The following LYN variants were observed in gnomAD, a reference collection of about 807,000 sequenced individuals.
The protein encoded by LYN is LYN proto-oncogene, Src family tyrosine kinase, also known as tyrosine-protein kinase Lyn.
In LYN, 12 loss-of-function variants were observed where a neutral mutation model predicts 65.0. That is an observed-to-expected ratio of 0.18 (90% CI 0.12 to 0.30). LYN has a LOEUF of 0.30. Among genes scored for constraint, LYN ranks in the 10% least tolerant of loss-of-function variants. LYN has a pLI of 1.00. For synonymous variants in LYN, 222 were observed against 221.2 expected, an observed-to-expected ratio of 1.00 and a Z score of -0.03; for missense variants, 380 against 623.2, an observed-to-expected ratio of 0.61 and a Z score of 4.16.
At chr8:55,928,214 C>T (rs1806165619) in intron 1 of LYN, among the ~76,000 whole-genome samples, 2 of 152,176 alleles carry the variant, frequency 1.3e-5, no homozygotes, top group Admixed American at 1.3e-4. Flanking sequence ...GGTGCAATCT[C>T]AGCTCACTGC....
At position 55,923,834 on chromosome 8, in the gene LYN, C is replaced by T. The variant is rs147609093; in HGVS notation, c.-5-18021C>T. 1.6e-4 allele frequency among the ~76,000 whole-genome samples: 24 copies of T among 151,884 alleles called. 1 individual carries two copies. The East Asian group carries it at 2.1e-3, about 13-fold the overall frequency. On this transcript the variant is annotated intron_variant, in intron 1 of 12. Coordinates refer to ENST00000519728, the MANE Select transcript of LYN (RefSeq NM_002350.4). ...GATTAGAGGCGTGAGCCACCGCGCCCGGCCAAGATCAAACAACTTAATAAA... is the reference window on the plus strand; with the variant it reads ...GATTAGAGGCGTGAGCCACCGCGCCTGGCCAAGATCAAACAACTTAATAAA...
In LYN at chr8:55,987,859, C is replaced by T. The variant is rs147925463; in HGVS notation, c.1051-10487C>T. 3.9e-5 allele frequency among the ~76,000 whole-genome samples: 6 copies of T among 152,284 alleles called. No homozygotes were observed. The East Asian group carries it at 5.8e-4, about 15-fold the overall frequency. On this transcript the variant is annotated intron_variant, in intron 10 of 12. Coordinates refer to ENST00000519728, the MANE Select transcript of LYN (RefSeq NM_002350.4). ...CCTCTCCAAGACTCAGCTTCGTCCT[C>T]GTTACTATGAATATAACCTACTTTA... is the stretch of plus-strand genomic sequence containing the variant.
chr8:55,927,147 T>C (rs1806130877), intron 1 of LYN, among the ~76,000 whole-genome samples: 1 of 152,250 alleles, frequency 6.6e-6, no homozygotes, highest in Non-Finnish European at 1.5e-5. Flanking sequence ...GTGTAGTACA[T>C]TTCATGGATT....
chr8:55,944,745 T>C (rs1389058866), intron 2 of LYN, among the ~76,000 whole-genome samples: 6 of 152,176 alleles, frequency 3.9e-5, no homozygotes, highest in Non-Finnish European at 1.5e-5. Flanking sequence ...CCTCTCAAAG[T>C]GTTGGGAATA....
chr8:55,899,145 C>T (rs145891957), intron 1 of LYN, among the ~76,000 whole-genome samples: 291 of 152,254 alleles, frequency 1.9e-3, no homozygotes, highest in African/African-American at 6.5e-3. Flanking sequence ...ACTTTTGTAT[C>T]AGGCAATAAT....
intron 12 of LYN, among the ~76,000 whole-genome samples, chr8:56,003,303 C>T (rs1808581549): frequency 6.6e-6 from 1 of 152,080 alleles, no homozygotes; most frequent in South Asian, 2.1e-4. Flanking sequence ...CCTTGGGATC[C>T]TCCCGCCTTG....
intron 6 of LYN, 55 bp downstream of exon 6, chr8:55,950,839 A>G: frequency 7.7e-7 from 1 of 1,291,800 alleles, no homozygotes; most frequent in Non-Finnish European, 1.1e-6. Flanking sequence ...TTATTTTTAG[A>G]AACTATTCTA....
chr8:55,913,516 A>G (rs1387559391), intron 1 of LYN, among the ~76,000 whole-genome samples: 1 of 152,232 alleles, frequency 6.6e-6, no homozygotes, highest in Non-Finnish European at 1.5e-5. Context: ...GCTGAATTTC[A>G]ACTACATTAA....
At chr8:55,953,412 C>T (rs564692779) in intron 7 of LYN, among the ~76,000 whole-genome samples, 3 of 152,136 alleles carry the variant, frequency 2.0e-5, no homozygotes, top group Non-Finnish European at 2.9e-5. Context: ...TTTGGGAGGC[C>T]GAGGCGGGTG....
intron 3 of LYN, among the ~76,000 whole-genome samples, chr8:55,947,067 G>A (rs898549646): frequency 6.6e-6 from 1 of 152,304 alleles, no homozygotes; most frequent in East Asian, 1.9e-4. Context: ...GGTCAACATG[G>A]TGAAACCCCG....
chr8:55,981,005 G>A (rs1807902315), intron 10 of LYN, among the ~76,000 whole-genome samples: 3 of 152,142 alleles, frequency 2.0e-5, no homozygotes, highest in African/African-American at 7.2e-5. Context: ...CAGACTGGAT[G>A]GTTTTGCATC....
intron 1 of LYN, among the ~76,000 whole-genome samples, chr8:55,927,939 G>A (rs1269539459): frequency 1.3e-5 from 2 of 152,210 alleles, no homozygotes; most frequent in African/African-American, 4.8e-5. Context: ...AAGGGGCACA[G>A]TTGTTGGGTC....
At chr8:56,000,699 G>A (rs1287859727) in intron 12 of LYN, among the ~76,000 whole-genome samples, 1 of 117,026 alleles carries the variant, frequency 8.5e-6, no homozygotes, top group Admixed American at 1.2e-4. Flanking sequence ...CTGCACTCTA[G>A]CCATGGCGAC....
At chr8:56,003,199 A>G (rs1808574809) in intron 12 of LYN, among the ~76,000 whole-genome samples, 1 of 151,536 alleles carries the variant, frequency 6.6e-6, no homozygotes, top group Admixed American at 6.6e-5. Context: ...AGCTGGGACT[A>G]CAGGTGCCCG....
chr8:56,004,258 T>A (rs1798583105), intron 12 of LYN, among the ~76,000 whole-genome samples: 1 of 150,936 alleles, frequency 6.6e-6, no homozygotes, highest in African/African-American at 2.4e-5. Context: ...ATCTAAGTAA[T>A]ATATGCACAT....
intron 8 of LYN, among the ~76,000 whole-genome samples, chr8:55,964,778 G>A (rs757428175): frequency 7.9e-5 from 12 of 152,204 alleles, no homozygotes; most frequent in Non-Finnish European, 1.8e-4. Context: ...GAATAGAAAA[G>A]AACAAGAGAA....
At chr8:55,907,500 A>G (rs1323922777) in intron 1 of LYN, among the ~76,000 whole-genome samples, 1 of 152,192 alleles carries the variant, frequency 6.6e-6, no homozygotes. Flanking sequence ...ACGTGGGCAC[A>G]TACATCTACC....
intron 9 of LYN, 31 bp downstream of exon 9, chr8:55,966,928 A>G (rs1285273603): frequency 6.3e-7 from 1 of 1,593,080 alleles, no homozygotes. Flanking sequence ...AGAGCTTGCA[A>G]GGGCTTCAAA....
intron 2 of LYN, among the ~76,000 whole-genome samples, chr8:55,944,526 G>C (rs1806719925): frequency 6.6e-6 from 1 of 152,136 alleles, no homozygotes; most frequent in Non-Finnish European, 1.5e-5. Flanking sequence ...TGTTGCCCAG[G>C]CTGGAGTGCA....
Sources: allele counts gnomAD v4.1 joint callset (sites outside exome capture counted in the v4.1 genomes callset), GRCh38; gene constraint gnomAD v4.1.1; transcripts MANE v1.5; gene names NCBI Gene and HGNC (gene_info 2026-07-23, HGNC 2026-07-21).